Variants in ARHGAP17 observed in about 807,000 individuals in gnomAD.
The protein encoded by ARHGAP17 is Rho GTPase activating protein 17, also known as rho GTPase-activating protein 17.
A neutral mutation model predicts 99.5 loss-of-function variants in ARHGAP17; 57 were observed. The observed-to-expected ratio is 0.57, with a 90% CI of 0.46 to 0.71. The LOEUF (loss-of-function observed/expected upper bound fraction) is 0.71, where lower values mean the gene tolerates loss of function less well. Among genes scored for constraint, ARHGAP17 ranks in the 30% least tolerant of loss-of-function variants. The pLI, the probability that ARHGAP17 is intolerant of heterozygous loss-of-function variation, is 0.00. For synonymous variants in ARHGAP17, 417 were observed against 429.6 expected, an observed-to-expected ratio of 0.97 and a Z score of 0.36; for missense variants, 1,000 against 1,122.4, an observed-to-expected ratio of 0.89 and a Z score of 1.56.
intron 1 of ARHGAP17, among the ~76,000 whole-genome samples, chr16:24,990,869 T>C (rs1334107623): frequency 6.7e-6 from 1 of 148,672 alleles, no homozygotes; most frequent in Non-Finnish European, 1.5e-5. Flanking sequence ...AGCTGGCAGG[T>C]GGCAGAACGA....
chr16:25,003,552 G>A (rs139963372), intron 1 of ARHGAP17, among the ~76,000 whole-genome samples: 227 of 152,214 alleles, frequency 1.5e-3, no homozygotes, highest in African/African-American at 4.6e-3. Context: ...AGCTGGGTGC[G>A]GTGGCTCACA....
At chr16:25,007,877 A>C (rs1029410041) in intron 1 of ARHGAP17, among the ~76,000 whole-genome samples, 13 of 152,320 alleles carry the variant, frequency 8.5e-5, no homozygotes, top group African/African-American at 3.1e-4. Flanking sequence ...CACTACTCCC[A>C]CGTTCACCAT....
chr16:24,982,965 C>CATACATAT (rs1491169199), intron 1 of ARHGAP17, among the ~76,000 whole-genome samples: 1 of 32,742 alleles, frequency 3.1e-5, no homozygotes, highest in Non-Finnish European at 5.5e-5. Flanking sequence ...CTTGATAAAT[C>CATACATAT]ATATATATAT....
chr16:24,996,334 T>C (rs2141454843), intron 1 of ARHGAP17, among the ~76,000 whole-genome samples: 1 of 152,278 alleles, frequency 6.6e-6, no homozygotes, highest in Middle Eastern at 3.4e-3. Context: ...AATCAACTGA[T>C]CAAATGGCAG....
At chr16:24,988,388 CG>C (rs1288349547) in intron 1 of ARHGAP17, among the ~76,000 whole-genome samples, 1 of 151,964 alleles carries the variant, frequency 6.6e-6, no homozygotes, top group Non-Finnish European at 1.5e-5. Context: ...GGATACTTAA[CG>C]GGGGGAAATG....
At chr16:24,941,086 T>C (rs2051299411) in intron 16 of ARHGAP17, among the ~76,000 whole-genome samples, 1 of 152,132 alleles carries the variant, frequency 6.6e-6, no homozygotes, top group Admixed American at 6.5e-5. Context: ...TAAATGTGGA[T>C]TTTGGAAGGA....
intron 19 of ARHGAP17, among the ~76,000 whole-genome samples, chr16:24,925,916 TTG>T (rs1210300627): frequency 5.3e-5 from 8 of 151,930 alleles, no homozygotes; most frequent in Non-Finnish European, 1.2e-4. Context: ...CGAGACCATC[TTG>T]GCTAACATGG....
chr16:24,989,112 A>G (rs1188896627), intron 1 of ARHGAP17, among the ~76,000 whole-genome samples: 5 of 152,264 alleles, frequency 3.3e-5, no homozygotes, highest in Non-Finnish European at 5.9e-5. Flanking sequence ...AGCCACACAA[A>G]AAGTCTAAAG....
intron 1 of ARHGAP17, among the ~76,000 whole-genome samples, chr16:24,988,275 T>C (rs1421184007): frequency 6.6e-6 from 1 of 152,206 alleles, no homozygotes; most frequent in African/African-American, 2.4e-5. Context: ...CAATTTGTTA[T>C]ACCTGCCACA....
chr16:24,994,662 A>G (rs2053143422), intron 1 of ARHGAP17, among the ~76,000 whole-genome samples: 1 of 152,168 alleles, frequency 6.6e-6, no homozygotes, highest in Non-Finnish European at 1.5e-5. Flanking sequence ...ACTGAACTCT[A>G]CGGGATAAGT....
At chr16:24,979,530 C>T (rs2052613352) in intron 1 of ARHGAP17, among the ~76,000 whole-genome samples, 1 of 152,100 alleles carries the variant, frequency 6.6e-6, no homozygotes, top group Non-Finnish European at 1.5e-5. Context: ...CTTCAAATTT[C>T]CTCTCCATCC....
intron 1 of ARHGAP17, among the ~76,000 whole-genome samples, chr16:24,998,172 C>T (rs72772324): frequency 0.063 from 9,497 of 151,834 alleles, 414 homozygotes; most frequent in Middle Eastern, 0.13. Context: ...GGCACAGGGA[C>T]GTCAGGGACA....
intron 14 of ARHGAP17, among the ~76,000 whole-genome samples, chr16:24,945,725 T>A (rs745700849): frequency 6.6e-6 from 1 of 152,190 alleles, no homozygotes; most frequent in South Asian, 2.1e-4. Context: ...TCCTCCCATG[T>A]GGAATCTGAT....
rs144863192 is a variant in ARHGAP17 at position 24,924,418 on chromosome 16, C to T, written c.2516-4158G>A. ...AGCAAAAAATCAGACAAAAAAGAAA[C>T]CTTTTATTGGAGGTCTCTTTTCTGT... On this transcript the variant is annotated intron_variant, in intron 19 of 19. Coordinates refer to ENST00000289968, the MANE Select transcript of ARHGAP17 (RefSeq NM_001006634.3). Among the ~76,000 whole-genome samples the T allele has an allele frequency of 8.0e-3, 1,174 of 147,062 alleles. 19 individuals are homozygous for T. The highest frequency in any genetic ancestry group is 0.027 in the African/African-American group (1,106 of 40,342).
At chr16:25,007,059 T>C (rs1010007777) in intron 1 of ARHGAP17, among the ~76,000 whole-genome samples, 6 of 152,202 alleles carry the variant, frequency 3.9e-5, no homozygotes. Context: ...TGGAAAGGAA[T>C]GAACATTACA....
chr16:24,959,950 A>C lies in ARHGAP17; in HGVS notation c.603T>G (p.Phe201Leu), dbSNP rs780731304. Residue 201 changes from phenylalanine to leucine, a missense_variant, in exon 8 of 20, where the codon TTT (phenylalanine) becomes TTG (leucine). By Grantham distance (22) the Phe-to-Leu change is conservative. This residue lies in a region of ARHGAP17 where 472 missense variants were observed against 611.1 expected (regional missense o/e 0.77). Coordinates refer to ENST00000289968, the MANE Select transcript of ARHGAP17 (RefSeq NM_001006634.3). ...KDQLAADMYN[F>L]MAKEGEYGKF... is the part of the protein sequence containing the mutation. ...TGCCATACTCCCCTTCTTTGGCCAT[A>C]AAGTTGTACATGTCTGCTGCAAGTT... is the stretch of plus-strand genomic sequence containing the variant. 1 of 1,614,052 alleles carries C rather than the reference A, an allele frequency of 6.2e-7. No individual in the cohort carries two copies. Among genetic ancestry groups the C allele is most frequent in the African/African-American group, 1.3e-5 (1 of 75,056 alleles).
intron 1 of ARHGAP17, among the ~76,000 whole-genome samples, chr16:24,999,502 G>A (rs536046255): frequency 1.8e-4 from 27 of 152,056 alleles, no homozygotes; most frequent in African/African-American, 5.8e-4. Flanking sequence ...CTGCAGCTCC[G>A]GCTCCTGGGC....
Position 24,931,241 on chromosome 16 carries a change from T to C in ARHGAP17, c.2058A>G (p.Pro686=). The C allele has an allele frequency of 6.9e-7, 1 of 1,451,352 alleles. No homozygotes were observed. Among genetic ancestry groups the C allele is most frequent in the Non-Finnish European group, 9.2e-7 (1 of 1,091,594 alleles). The allele number at this position is 1,451,352 out of a possible 1,614,324, so 89.9% of individuals were successfully genotyped here. ...SPPTQHTGQP[P]GQPSAPSQLS... ...GCTGGGAGGGGGCGGAGGGCTGGCC[T>C]GGAGGCTGGCCCGTGTGCTGGGTGG... The change falls in exon 19 of 20, where the codon CCA becomes CCG. Residue 686 remains proline, a synonymous_variant. Transcript: ENST00000289968.
chr16:24,949,888 C>G (rs2051583405), intron 12 of ARHGAP17, among the ~76,000 whole-genome samples: 1 of 152,202 alleles, frequency 6.6e-6, no homozygotes, highest in Admixed American at 6.5e-5. Context: ...GGGCTGAGCT[C>G]CCAGGCACCC....
Sources: allele counts gnomAD v4.1 joint callset (sites outside exome capture counted in the v4.1 genomes callset), GRCh38; gene constraint gnomAD v4.1.1; regional missense constraint gnomAD v4.1.1; transcripts MANE v1.5; gene names NCBI Gene and HGNC (gene_info 2026-07-23, HGNC 2026-07-21).